The following ATP8A2 variants were observed in gnomAD, a reference collection of about 807,000 sequenced individuals.
ATP8A2 encodes the protein ATPase phospholipid transporting 8A2.
Under a neutral mutation model 165.6 loss-of-function variants are expected in ATP8A2, and 100 were observed. The ratio of observed to expected loss-of-function variants is 0.60; its 90% CI spans 0.51 to 0.71. The LOEUF (loss-of-function observed/expected upper bound fraction) is 0.71. ATP8A2 is among the 30% of genes least tolerant of loss of function. ATP8A2 has a pLI of 0.00. For missense variants in ATP8A2, 1,227 were observed against 1,479.5 expected (o/e 0.83, Z 2.80); for synonymous variants, 543 against 548.8 (o/e 0.99, Z 0.15).
chr13:25,399,038 C>T (rs575745046), intron 1 of ATP8A2, among the ~76,000 whole-genome samples: 2 of 152,218 alleles, frequency 1.3e-5, no homozygotes, highest in African/African-American at 2.4e-5. Flanking sequence ...ACAGTGATCA[C>T]GAAATGCCAA....
intron 33 of ATP8A2, among the ~76,000 whole-genome samples, chr13:25,900,132 A>G (rs1340031360): frequency 6.6e-6 from 1 of 152,124 alleles, no homozygotes; most frequent in Non-Finnish European, 1.5e-5. Context: ...CAGAGCTGAG[A>G]GGGAGGGAGG....
intron 25 of ATP8A2, among the ~76,000 whole-genome samples, chr13:25,752,792 C>A (rs886997666): frequency 2.6e-5 from 4 of 152,116 alleles, no homozygotes; most frequent in Admixed American, 6.5e-5. Context: ...CAAAGTGTTT[C>A]CTCTACCTCA....
chr13:25,638,074 CAGAA>C (rs1355704777), intron 24 of ATP8A2, among the ~76,000 whole-genome samples: 1 of 152,162 alleles, frequency 6.6e-6, no homozygotes, highest in Non-Finnish European at 1.5e-5. Flanking sequence ...AACTAACAAA[CAGAA>C]AGGACATCCA....
At chr13:25,932,004 C>T (rs561970424) in intron 33 of ATP8A2, among the ~76,000 whole-genome samples, 46 of 149,964 alleles carry the variant, frequency 3.1e-4, no homozygotes, top group African/African-American at 9.4e-4. Context: ...GCCGAGATCA[C>T]GCCATTGGAC....
At chr13:25,481,549 G>A (rs2036201574) in intron 2 of ATP8A2, among the ~76,000 whole-genome samples, 1 of 152,202 alleles carries the variant, frequency 6.6e-6, no homozygotes, top group African/African-American at 2.4e-5. Flanking sequence ...CTGGGACCTG[G>A]AAATTGAAAT....
chr13:25,755,435 A>T (rs571013969), intron 25 of ATP8A2, among the ~76,000 whole-genome samples: 1 of 152,206 alleles, frequency 6.6e-6, no homozygotes, highest in Non-Finnish European at 1.5e-5. Context: ...TCTGATTCAC[A>T]TAGGCAAAAT....
At chr13:25,710,496 C>T (rs906618596) in intron 25 of ATP8A2, among the ~76,000 whole-genome samples, 4 of 152,140 alleles carry the variant, frequency 2.6e-5, no homozygotes, top group Non-Finnish European at 5.9e-5. Flanking sequence ...TATAGGTCTC[C>T]GTAAGATCTA....
chr13:25,581,388 C>G (rs1250424636), intron 22 of ATP8A2, among the ~76,000 whole-genome samples: 1 of 152,154 alleles, frequency 6.6e-6, no homozygotes, highest in Admixed American at 6.5e-5. Flanking sequence ...ACTGTTAAAT[C>G]CTTAGCACCA....
At chr13:25,837,607 C>T (rs182874780) in intron 29 of ATP8A2, among the ~76,000 whole-genome samples, 145 of 152,268 alleles carry the variant, frequency 9.5e-4, no homozygotes, top group African/African-American at 3.4e-3. Context: ...GGCAGCAGTT[C>T]CCACAGCCCA....
chr13:25,414,269 C>T (rs1488004029), intron 1 of ATP8A2, among the ~76,000 whole-genome samples: 1 of 149,656 alleles, frequency 6.7e-6, no homozygotes, highest in Non-Finnish European at 1.5e-5. Context: ...CAGCTCACTG[C>T]AATCTCTGCC....
chr13:25,432,164 T>C (rs978857605), intron 1 of ATP8A2, among the ~76,000 whole-genome samples: 8 of 152,252 alleles, frequency 5.3e-5, no homozygotes, highest in Non-Finnish European at 1.0e-4. Flanking sequence ...TGCTTTTTAA[T>C]GTTTTCATTT....
At chr13:25,498,910 G>A (rs760219523) in intron 2 of ATP8A2, among the ~76,000 whole-genome samples, 6 of 152,116 alleles carry the variant, frequency 3.9e-5, no homozygotes, top group Non-Finnish European at 2.9e-5. Context: ...CTTCATCTTC[G>A]GTGGCAGGAT....
At chr13:25,990,560 C>T (rs1049112363) in intron 35 of ATP8A2, among the ~76,000 whole-genome samples, 11 of 152,132 alleles carry the variant, frequency 7.2e-5, no homozygotes, top group Non-Finnish European at 1.3e-4. Flanking sequence ...CAAGGATGGC[C>T]ATGTGGCCAG....
At chr13:25,817,359 G>A (rs548128337) in intron 27 of ATP8A2, among the ~76,000 whole-genome samples, 6 of 126,524 alleles carry the variant, frequency 4.7e-5, no homozygotes, top group Admixed American at 2.4e-4. Flanking sequence ...ATGGGGGGGG[G>A]GGGAAACACG....
intron 35 of ATP8A2, among the ~76,000 whole-genome samples, chr13:25,999,965 TTAAC>T (rs1398152211): frequency 6.6e-6 from 1 of 152,232 alleles, no homozygotes; most frequent in Non-Finnish European, 1.5e-5. Flanking sequence ...ATAAGTGTCT[TTAAC>T]TAAGGTAAAG....
At chr13:25,940,435 C>T (rs899017896) in intron 33 of ATP8A2, among the ~76,000 whole-genome samples, 2 of 152,182 alleles carry the variant, frequency 1.3e-5, no homozygotes, top group Non-Finnish European at 2.9e-5. Flanking sequence ...CATTTCAAGA[C>T]CTTCTCCCTC....
chr13:25,700,551 T>C (rs183574285), intron 25 of ATP8A2, among the ~76,000 whole-genome samples: 91 of 152,346 alleles, frequency 6.0e-4, no homozygotes, highest in Non-Finnish European at 1.0e-3. Flanking sequence ...CTTCTTTTTA[T>C]GGCTGAGTAA....
In ATP8A2 at chr13:25,372,354, C is replaced by CGGTTA; in HGVS notation, c.76+67_76+71dup. The CGGTTA allele has an allele frequency of 8.0e-7, 1 of 1,244,412 alleles. No homozygotes were observed. The allele number at this position is 1,244,412 out of a possible 1,614,324, so 77.1% of individuals were successfully genotyped here. Reference sequence around the variant, plus strand: ...GCGGGGGCGGCGCGGGGCGCGCCTGCGGTTATGCGACACTGCCCCGCCCGC... The same window carrying CGGTTA: ...GCGGGGGCGGCGCGGGGCGCGCCTGCGGTTAGGTTATGCGACACTGCCCCGCCCGC... On this transcript the variant is annotated intron_variant, in intron 1 of 36. Coordinates refer to ENST00000381655, the MANE Select transcript of ATP8A2 (RefSeq NM_016529.6). This position sits in a 1 kb window ranked among gnomAD's most constrained non-coding sequence, Gnocchi z 4.8.
chr13:25,688,887 T>C (rs796640735), intron 24 of ATP8A2, among the ~76,000 whole-genome samples: 1 of 116,602 alleles, frequency 8.6e-6, no homozygotes, highest in African/African-American at 3.0e-5. Context: ...GGCTATGATC[T>C]TCACTGCCAG....
Sources: allele counts gnomAD v4.1 joint callset (sites outside exome capture counted in the v4.1 genomes callset), GRCh38; gene constraint gnomAD v4.1.1; non-coding constraint Gnocchi (gnomAD v3.1); transcripts MANE v1.5; gene names NCBI Gene and HGNC (gene_info 2026-07-23, HGNC 2026-07-21).